The following IL1RAPL1 variants were observed in gnomAD, a reference collection of about 807,000 sequenced individuals.
The protein encoded by IL1RAPL1 is interleukin 1 receptor accessory protein like 1.
A neutral mutation model predicts 48.4 loss-of-function variants in IL1RAPL1; 3 were observed. The observed-to-expected ratio is 0.06, with a 90% CI of 0.03 to 0.16. The LOEUF (loss-of-function observed/expected upper bound fraction) is 0.16, where lower values mean the gene tolerates loss of function less well. Ranked by LOEUF, IL1RAPL1 falls within the 10% of genes least tolerant of loss-of-function variation. The pLI is 1.00. For synonymous variants in IL1RAPL1, 185 were observed against 187.7 expected (o/e 0.99, Z 0.12); for missense variants, 349 against 530.6 (o/e 0.66, Z 3.36).
chrX:29,039,636 C>G (rs1254986772), intron 2 of IL1RAPL1, among the ~76,000 whole-genome samples: 1 of 110,358 alleles, frequency 9.1e-6, no homozygotes, highest in African/African-American at 3.3e-5. Flanking sequence ...TAGCTTTTCA[C>G]TAGTGGAAAT....
chrX:29,159,959 C>A (rs1448557418), intron 2 of IL1RAPL1, among the ~76,000 whole-genome samples: 1 of 111,582 alleles, frequency 9.0e-6, no homozygotes, highest in East Asian at 2.8e-4. Context: ...GATCTGCCTA[C>A]CTCAGCCTCC....
At chrX:29,862,203 T>C (rs1931602836) in intron 6 of IL1RAPL1, among the ~76,000 whole-genome samples, 2 of 109,811 alleles carry the variant, frequency 1.8e-5, no homozygotes, top group African/African-American at 3.3e-5. Flanking sequence ...TTTGAGAAGA[T>C]GATAATATGG....
At chrX:29,631,285 C>T (rs1366820174) in intron 5 of IL1RAPL1, among the ~76,000 whole-genome samples, 2 of 111,261 alleles carry the variant, frequency 1.8e-5, no homozygotes, top group Non-Finnish European at 3.8e-5. Context: ...AAAGTTTCAC[C>T]TTATCTATCT....
rs778334768 is a variant in IL1RAPL1 at position 29,927,782 on chromosome X, C to T, written c.1057+7688C>T. On this transcript the variant is annotated intron_variant, in intron 8 of 10. Transcript: ENST00000378993. ...TACTGCTGATTTTCTGTTTTGAACA[C>T]TTACTTGTATTCAGCTAACTCTCAA... Among the ~76,000 whole-genome samples the T allele has an allele frequency of 3.6e-5, 4 of 110,202 alleles. No individual in the cohort carries two copies. In the South Asian group the frequency reaches 1.6e-3, roughly 43 times the overall value.
chrX:29,247,122 C>A (rs1362503806), intron 2 of IL1RAPL1, among the ~76,000 whole-genome samples: 1 of 111,776 alleles, frequency 8.9e-6, no homozygotes, highest in Non-Finnish European at 1.9e-5. Flanking sequence ...ATTAGCTTTG[C>A]AAGTTGGTCG....
At chrX:28,969,774 C>T (rs1005815746) in intron 2 of IL1RAPL1, among the ~76,000 whole-genome samples, 2 of 108,034 alleles carry the variant, frequency 1.9e-5, no homozygotes, top group Admixed American at 1.0e-4. Context: ...CTATATATTT[C>T]GGTCTTTGGA....
intron 6 of IL1RAPL1, among the ~76,000 whole-genome samples, chrX:29,917,156 A>G (rs1222029386): frequency 1.8e-5 from 2 of 112,103 alleles, no homozygotes; most frequent in Non-Finnish European, 3.8e-5. Context: ...ATCCTTCGCA[A>G]TCATTCATGA....
intron 1 of IL1RAPL1, among the ~76,000 whole-genome samples, chrX:28,673,580 G>T (rs1055175979): frequency 1.8e-5 from 2 of 111,988 alleles, no homozygotes; most frequent in Non-Finnish European, 3.8e-5. Flanking sequence ...ATCTTAGTTT[G>T]AAGGGCATTT....
intron 6 of IL1RAPL1, among the ~76,000 whole-genome samples, chrX:29,803,395 ATGTATATATGTGTATATG>A (rs1930142647): frequency 4.9e-4 from 44 of 90,396 alleles, no homozygotes; most frequent in Non-Finnish European, 7.5e-4. Flanking sequence ...GTATACACAT[ATGTATATATGTGTATATG>A]TGTATATGTG....
chrX:29,440,077 A>G (rs1934530934), intron 5 of IL1RAPL1, among the ~76,000 whole-genome samples: 1 of 108,483 alleles, frequency 9.2e-6, no homozygotes, highest in South Asian at 3.9e-4. Flanking sequence ...TATTCGAAAG[A>G]CTTTTGTGAA....
At chrX:29,950,716 A>G (rs1456607387) in intron 9 of IL1RAPL1, among the ~76,000 whole-genome samples, 1 of 99,612 alleles carries the variant, frequency 1.0e-5, no homozygotes, top group East Asian at 3.1e-4. Context: ...TCGCTCTGTC[A>G]CCCAGGCTGG....
At chrX:28,610,557 T>C (rs1934135040) in intron 1 of IL1RAPL1, among the ~76,000 whole-genome samples, 1 of 112,424 alleles carries the variant, frequency 8.9e-6, no homozygotes, top group African/African-American at 3.2e-5. Flanking sequence ...GGAAAGTATA[T>C]CGGTAGCAGT....
chrX:29,143,100 T>A (rs1929277826), intron 2 of IL1RAPL1, among the ~76,000 whole-genome samples: 1 of 111,472 alleles, frequency 9.0e-6, no homozygotes, highest in Admixed American at 9.6e-5. Flanking sequence ...AAACCTCCCA[T>A]GGAGTATATT....
At chrX:28,682,174 G>A (rs1318928051) in intron 1 of IL1RAPL1, among the ~76,000 whole-genome samples, 1 of 111,166 alleles carries the variant, frequency 9.0e-6, no homozygotes, top group South Asian at 3.7e-4. Flanking sequence ...TACCACATTT[G>A]TTTATTCATT....
At chrX:29,231,857 G>C (rs1454752172) in intron 2 of IL1RAPL1, among the ~76,000 whole-genome samples, 2 of 112,155 alleles carry the variant, frequency 1.8e-5, no homozygotes. Flanking sequence ...CCATACTTCT[G>C]ATTTGCCATA....
chrX:28,993,847 TAAATA>T (rs1925668274), intron 2 of IL1RAPL1, among the ~76,000 whole-genome samples: 1 of 111,976 alleles, frequency 8.9e-6, no homozygotes, highest in African/African-American at 3.2e-5. Flanking sequence ...TGCCATATAT[TAAATA>T]AAATAATTAA....
At chrX:29,884,179 A>AT (rs1204015662) in intron 6 of IL1RAPL1, among the ~76,000 whole-genome samples, 1 of 111,903 alleles carries the variant, frequency 8.9e-6, no homozygotes, top group Non-Finnish European at 1.9e-5. Flanking sequence ...AGTTCATTCT[A>AT]TTCATTCGAG....
chrX:29,073,641 C>T (rs1276887801), intron 2 of IL1RAPL1, among the ~76,000 whole-genome samples: 4 of 111,644 alleles, frequency 3.6e-5, no homozygotes, highest in Non-Finnish European at 7.5e-5. Context: ...TCTTCAAAGC[C>T]TAGCTTTAGA....
At chrX:29,232,948 G>A (rs1269487316) in intron 2 of IL1RAPL1, among the ~76,000 whole-genome samples, 1 of 109,305 alleles carries the variant, frequency 9.1e-6, no homozygotes, top group Non-Finnish European at 1.9e-5. Flanking sequence ...ACAGGCACCC[G>A]CCACCGCACC....
Sources: gnomAD v4.1 joint callset for allele counts (sites outside exome capture counted in the v4.1 genomes callset) on GRCh38, gnomAD v4.1.1 for gene constraint, MANE v1.5 for transcripts, NCBI Gene and HGNC (gene_info 2026-07-23, HGNC 2026-07-21) for gene names.